RGL1: variants seen among roughly 807,000 people sequenced by gnomAD.
RGL1 encodes ral guanine nucleotide dissociation stimulator-like 1.
A neutral mutation model predicts 95.2 loss-of-function variants in RGL1; 24 were observed. That is an observed-to-expected ratio of 0.25 (90% confidence interval 0.18 to 0.35). The LOEUF (loss-of-function observed/expected upper bound fraction) is 0.35. Ranked by LOEUF, RGL1 falls within the 10% of genes least tolerant of loss-of-function variation. The pLI is 1.00. For missense variants in RGL1, 715 were observed against 936.3 expected (o/e 0.76, Z 3.08); for synonymous variants, 329 against 344.9 (o/e 0.95, Z 0.51).
In RGL1 at chr1:183,674,964, T is replaced by A. The variant is rs75320584; in HGVS notation, c.-33+38463T>A. Among the ~76,000 whole-genome samples, 285 of 152,352 alleles carry A rather than the reference T, an allele frequency of 1.9e-3. 6 individuals are homozygous for A. The East Asian group carries it at 0.043, about 23-fold the overall frequency. On this transcript the variant is annotated intron_variant, in intron 1 of 18. Transcript: ENST00000304685. ...TGTCCCAGAAGTTGCCTTTGAAGATTGTTGCAATGTGTATACCTGTCAAAA... is the reference window on the plus strand; with the variant it reads ...TGTCCCAGAAGTTGCCTTTGAAGATAGTTGCAATGTGTATACCTGTCAAAA...
At chr1:183,837,601 A>G (rs555865257) in intron 2 of RGL1, among the ~76,000 whole-genome samples, 2 of 151,916 alleles carry the variant, frequency 1.3e-5, no homozygotes, top group South Asian at 4.2e-4. Flanking sequence ...GCATTGATGT[A>G]TTCCTTTTAT....
chr1:183,669,942 C>T (rs962566174), intron 1 of RGL1, among the ~76,000 whole-genome samples: 1 of 152,116 alleles, frequency 6.6e-6, no homozygotes, highest in Non-Finnish European at 1.5e-5. Context: ...GGTAACCACC[C>T]CTATGATTCA....
rs372707986 is a variant in RGL1, at chr1:183,907,036, A to G, written c.1497A>G (p.Glu499=). The G allele has an allele frequency of 5.6e-6, 9 of 1,611,704 alleles. No homozygotes were observed. In the South Asian group the frequency reaches 9.9e-5, roughly 18 times the overall value. ...GCTATGCCCTGTCATGTGAGATTGA[A>G]GCAGCTGCTGACGCCAGCACCACCT... ...EESYALSCEI[E]AAADASTTSP... Residue 499 remains glutamate, a synonymous_variant, in exon 14 of 18, where the codon GAA becomes GAG. Coordinates refer to ENST00000360851, the MANE Select transcript of RGL1 (RefSeq NM_001297671.3).
intron 2 of RGL1, among the ~76,000 whole-genome samples, chr1:183,774,573 CCTTT>C (rs1262743208): frequency 1.0e-5 from 1 of 95,494 alleles, no homozygotes; most frequent in Non-Finnish European, 1.9e-5. Flanking sequence ...TTTCTTTTTT[CCTTT>C]TTTTTTTTTT....
chr1:183,838,225 A>G (rs1010723271), intron 2 of RGL1, among the ~76,000 whole-genome samples: 1 of 152,172 alleles, frequency 6.6e-6, no homozygotes, highest in African/African-American at 2.4e-5. Flanking sequence ...TCAGAAATGG[A>G]GATTTGTGTT....
intron 1 of RGL1, among the ~76,000 whole-genome samples, chr1:183,700,944 C>T (rs928471717): frequency 7.2e-5 from 11 of 152,198 alleles, no homozygotes; most frequent in South Asian, 2.1e-4. Context: ...TGTGATGTTC[C>T]GCTCCCTGTG....
At chr1:183,762,979 T>C (rs1229019403) in intron 2 of RGL1, among the ~76,000 whole-genome samples, 1 of 152,140 alleles carries the variant, frequency 6.6e-6, no homozygotes, top group Non-Finnish European at 1.5e-5. Flanking sequence ...AGCAAAGACC[T>C]GAAACCAATC....
At chr1:183,744,832 A>C (rs1376425172) in intron 2 of RGL1, among the ~76,000 whole-genome samples, 1 of 152,154 alleles carries the variant, frequency 6.6e-6, no homozygotes, top group Non-Finnish European at 1.5e-5. Flanking sequence ...CTTTCAATAC[A>C]ATTGGCAGTA....
chr1:183,648,308 A>T (rs1385918931), intron 1 of RGL1: 1 of 1,614,216 alleles, frequency 6.2e-7, no homozygotes, highest in Admixed American at 1.7e-5. Context: ...TCTCAGTATG[A>T]TAGAGCTGAG....
intron 1 of RGL1, among the ~76,000 whole-genome samples, chr1:183,645,412 C>T (rs535873005): frequency 6.6e-6 from 1 of 152,352 alleles, no homozygotes; most frequent in South Asian, 2.1e-4. Flanking sequence ...TCCGTCTCTT[C>T]AGTCTCATTG....
At chr1:183,790,665 G>T (rs1447002861) in intron 2 of RGL1, among the ~76,000 whole-genome samples, 1 of 152,152 alleles carries the variant, frequency 6.6e-6, no homozygotes, top group African/African-American at 2.4e-5. Flanking sequence ...AGTTATAAAA[G>T]AGAAATTGCT....
At chr1:183,681,065 A>G (rs1442352981) in intron 1 of RGL1, among the ~76,000 whole-genome samples, 2 of 152,196 alleles carry the variant, frequency 1.3e-5, no homozygotes, top group East Asian at 3.8e-4. Flanking sequence ...CAGCTTAAGG[A>G]GATTTTGGGC....
chr1:183,764,682 A>C (rs1658874607), intron 2 of RGL1, among the ~76,000 whole-genome samples: 1 of 152,098 alleles, frequency 6.6e-6, no homozygotes, highest in African/African-American at 2.4e-5. Flanking sequence ...GGGCTGCTTC[A>C]TGCTAAAAAG....
chr1:183,743,118 C>T (rs900350459), intron 2 of RGL1, among the ~76,000 whole-genome samples: 1 of 152,102 alleles, frequency 6.6e-6, no homozygotes, highest in African/African-American at 2.4e-5. Flanking sequence ...CTCAAGTGAT[C>T]CTCCTGTCTC....
chr1:183,647,072 G>C (rs192950582), intron 1 of RGL1: 25 of 152,392 alleles, frequency 1.6e-4, no homozygotes, highest in African/African-American at 6.0e-4. Context: ...GAAGGGAGAG[G>C]TCTGAGCTGG....
intron 1 of RGL1, among the ~76,000 whole-genome samples, chr1:183,723,457 G>T (rs773497316): frequency 3.9e-5 from 6 of 152,188 alleles, no homozygotes; most frequent in Non-Finnish European, 8.8e-5. Context: ...TCCCTCTCTG[G>T]TTCCCTGGCA....
intron 1 of RGL1, among the ~76,000 whole-genome samples, chr1:183,733,375 G>C (rs555888804): frequency 2.6e-4 from 39 of 152,264 alleles, no homozygotes; most frequent in African/African-American, 9.1e-4. Flanking sequence ...TCAGGGAAAA[G>C]TCACAAGATC....
intron 2 of RGL1, among the ~76,000 whole-genome samples, chr1:183,819,181 A>G (rs1051745380): frequency 6.6e-5 from 10 of 152,230 alleles, no homozygotes; most frequent in Admixed American, 1.3e-4. Flanking sequence ...GCATTGACCC[A>G]CTGTCAAGCC....
Position 183,763,899 on chromosome 1 carries a change from C to T in RGL1, c.132+21610C>T, listed in dbSNP as rs552333301. Among the ~76,000 whole-genome samples, 15 of 152,310 alleles carry T rather than the reference C, an allele frequency of 9.8e-5. No individual in the cohort carries two copies. The South Asian group carries it at 2.9e-3, about 29-fold the overall frequency. ...GCTTTTGACTCCTGCTGCCTGAATT[C>T]AAGATTTCCCTCACATTCTGGAAAG... On this transcript the variant is annotated intron_variant, in intron 2 of 18. Coordinates refer to the RGL1 transcript ENST00000304685.
Sources: allele counts gnomAD v4.1 joint callset (sites outside exome capture counted in the v4.1 genomes callset), GRCh38; gene constraint gnomAD v4.1.1; transcripts MANE v1.5; gene names NCBI Gene and HGNC (gene_info 2026-07-23, HGNC 2026-07-21).